PKHD1: variants seen among roughly 807,000 people sequenced by gnomAD.
PKHD1 encodes PKHD1 ciliary IPT domain containing fibrocystin/polyductin.
PKHD1 carries 291 observed loss-of-function variants against 412.0 expected under a neutral mutation model. The ratio of observed to expected loss-of-function variants is 0.71; its 90% CI spans 0.64 to 0.78. The LOEUF (loss-of-function observed/expected upper bound fraction) is 0.78, where lower values mean the gene tolerates loss of function less well. Among genes scored for constraint, PKHD1 ranks in the 30% least tolerant of loss-of-function variants. The pLI is 0.00. For synonymous variants in PKHD1, 1,777 were observed against 1,821.5 expected (o/e 0.98, Z 0.62); for missense variants, 4,825 against 4,950.7 (o/e 0.97, Z 0.76).
chr6:51,644,986 G>C (rs558590053), intron 63 of PKHD1, among the ~76,000 whole-genome samples: 6 of 152,020 alleles, frequency 3.9e-5, no homozygotes, highest in African/African-American at 1.4e-4. Flanking sequence ...CCAATAAACC[G>C]AATTTTTAAA....
Position 52,022,890 on chromosome 6 carries a change from T to A in PKHD1, c.5291A>T (p.Asn1764Ile). ...AGCACCACACACAGCAGCTGAGACA[T>A]TCCCTGGAGAAAATCCCGCTCCAAA... Reference protein sequence around the residue: ...HVFGAGFSPGNVSAAVCGAPC... With the variant: ...HVFGAGFSPGIVSAAVCGAPC... The change falls in exon 33 of 67, where the codon AAT becomes ATT. Residue 1764 changes from asparagine (N) to isoleucine (I), a missense_variant. Asn to Ile is a moderately radical substitution (Grantham distance 149). Transcript: ENST00000371117. 1 of 1,613,940 alleles carries A rather than the reference T, an allele frequency of 6.2e-7. No individual in the cohort carries two copies. Among genetic ancestry groups the A allele is most frequent in the South Asian group, 1.1e-5 (1 of 91,076 alleles).
chr6:52,078,437 T>C (rs1307725611), intron 5 of PKHD1, among the ~76,000 whole-genome samples: 2 of 152,142 alleles, frequency 1.3e-5, no homozygotes, highest in Non-Finnish European at 2.9e-5. Flanking sequence ...CAACCTTCTG[T>C]GAGTTATTCA....
chr6:52,081,707 G>T (rs1256058730), intron 4 of PKHD1, among the ~76,000 whole-genome samples: 1 of 152,202 alleles, frequency 6.6e-6, no homozygotes, highest in Non-Finnish European at 1.5e-5. Context: ...CAGGGAAAAG[G>T]TGGCATTTGT....
chr6:52,055,856 C>A, intron 18 of PKHD1, 127 bp from the exon 19 acceptor site: 2 of 917,924 alleles, frequency 2.2e-6, no homozygotes, highest in Non-Finnish European at 3.3e-6. Flanking sequence ...ACCCAATTAC[C>A]CATGCAACCT....
intron 52 of PKHD1, among the ~76,000 whole-genome samples, chr6:51,828,807 T>C (rs1460557733): frequency 2.0e-5 from 3 of 151,834 alleles, no homozygotes; most frequent in Non-Finnish European, 2.9e-5. Flanking sequence ...CAGAGACCCA[T>C]CAGAGGTCAA....
intron 49 of PKHD1, among the ~76,000 whole-genome samples, chr6:51,849,946 T>C (rs1485628636): frequency 1.3e-5 from 2 of 152,228 alleles, no homozygotes; most frequent in African/African-American, 2.4e-5. Context: ...GCTTTTGGCA[T>C]TTTCGTCATG....
intron 53 of PKHD1, among the ~76,000 whole-genome samples, chr6:51,784,037 A>G (rs970423602): frequency 6.6e-6 from 1 of 152,212 alleles, no homozygotes; most frequent in Non-Finnish European, 1.5e-5. Flanking sequence ...TCATAACAGC[A>G]TATTATCAGA....
chr6:51,746,673 G>C, intron 59 of PKHD1, 48 bp downstream of exon 59: 1 of 1,186,984 alleles, frequency 8.4e-7, no homozygotes, highest in Non-Finnish European at 1.3e-6. Context: ...TTGAAGAATT[G>C]CCAAGTACTT....
rs955668422 is a variant in PKHD1 at position 51,615,659 on chromosome 6, C to T, written c.*3422G>A. ...TTGCATATGATTTACATTTGATTTC[C>T]TCATACTCATTTTTGCATATAGTTT... On this transcript the variant is annotated 3_prime_UTR_variant, in exon 67 of 67. Transcript: ENST00000371117. 3 of 152,092 alleles carry T rather than the reference C, an allele frequency of 2.0e-5. No homozygotes were observed. Among genetic ancestry groups the T allele is most frequent in the African/African-American group, 7.2e-5 (3 of 41,420 alleles). 9.4% of individuals were successfully genotyped at this position (152,092 alleles called of 1,614,324 possible).
intron 45 of PKHD1, among the ~76,000 whole-genome samples, chr6:51,883,877 T>C (rs182970642): frequency 6.6e-6 from 1 of 152,314 alleles, no homozygotes; most frequent in East Asian, 1.9e-4. Context: ...CAAAAAAAAC[T>C]TGGGGCTGTG....
chr6:52,064,091 T>C (rs1340808739), intron 13 of PKHD1, among the ~76,000 whole-genome samples: 2 of 152,246 alleles, frequency 1.3e-5, no homozygotes, highest in Non-Finnish European at 2.9e-5. Flanking sequence ...GCCAAAACTT[T>C]GCATGCATTT....
At position 51,618,918 on chromosome 6, in the gene PKHD1, C is replaced by G. The variant is rs1046581470; in HGVS notation, c.*163G>C. ...TATGAGACATTTTTCAGTCTGTAAG[C>G]ATTTATATGACTGTTTTCCATTTTA... On this transcript the variant is annotated 3_prime_UTR_variant, in exon 67 of 67. Transcript: ENST00000371117. 34 of 702,972 alleles carry G rather than the reference C, an allele frequency of 4.8e-5. No homozygotes were observed. The highest frequency in any genetic ancestry group is 7.0e-5 in the Non-Finnish European group (28 of 401,178). The allele number at this position is 702,972 out of a possible 1,614,324, so 43.5% of individuals were successfully genotyped here.
At chr6:51,724,087 A>G (rs1337291789) in intron 60 of PKHD1, among the ~76,000 whole-genome samples, 1 of 152,154 alleles carries the variant, frequency 6.6e-6, no homozygotes, top group Non-Finnish European at 1.5e-5. Flanking sequence ...CAGAGAAGAG[A>G]CTAAAAATTG....
At chr6:51,766,418 C>T (rs1041929591) in intron 55 of PKHD1, among the ~76,000 whole-genome samples, 1 of 152,052 alleles carries the variant, frequency 6.6e-6, no homozygotes, top group Non-Finnish European at 1.5e-5. Flanking sequence ...TGAGCCTCTG[C>T]TCTATTTTGT....
At position 51,896,637 on chromosome 6, in the gene PKHD1, A is replaced by C. The variant is rs1244863675; in HGVS notation, c.6996+6960T>G. The stretch of plus-strand genomic sequence containing the variant: ...CTCCTCCAAAGGAACGCAGTTCCTC[A>C]CCAGCAACGGAACAAAGCTGGACGG... On this transcript the variant is annotated intron_variant, in intron 43 of 66. Coordinates refer to ENST00000371117, the MANE Select transcript of PKHD1 (RefSeq NM_138694.4). Among the ~76,000 whole-genome samples the C allele has an allele frequency of 2.1e-3, 326 of 152,240 alleles. 3 individuals carry two copies. The highest frequency in any genetic ancestry group is 6.9e-3 in the African/African-American group (288 of 41,476).
At chr6:51,690,964 GA>G (rs780784117) in intron 60 of PKHD1, among the ~76,000 whole-genome samples, 12 of 150,566 alleles carry the variant, frequency 8.0e-5, no homozygotes, top group South Asian at 2.1e-4. Flanking sequence ...ACATTTACAA[GA>G]AAAAAAATCC....
intron 37 of PKHD1, among the ~76,000 whole-genome samples, chr6:51,928,834 C>T (rs1786116286): frequency 6.6e-6 from 1 of 152,010 alleles, no homozygotes; most frequent in Non-Finnish European, 1.5e-5. Context: ...ACATTCGGAC[C>T]CTTGAAGACA....
In PKHD1 at chr6:51,750,912, G is replaced by A. The variant is rs11759922; in HGVS notation, c.8951-2247C>T. The stretch of plus-strand genomic sequence containing the variant: ...CCACCTCAGCCTCCCAAGTAGCTGG[G>A]ACTACAGGTGCATGCCACCATGCTT... On this transcript the variant is annotated intron_variant, in intron 57 of 66. Coordinates refer to ENST00000371117, the MANE Select transcript of PKHD1 (RefSeq NM_138694.4). Among the ~76,000 whole-genome samples, 4 of 152,138 alleles carry A rather than the reference G, an allele frequency of 2.6e-5. No individual in the cohort carries two copies. In the East Asian group the frequency reaches 7.8e-4, roughly 30 times the overall value.
chr6:51,889,172 G>A (rs1017248209), intron 43 of PKHD1, among the ~76,000 whole-genome samples: 8 of 152,066 alleles, frequency 5.3e-5, no homozygotes, highest in African/African-American at 1.9e-4. Context: ...AATGTCTGGA[G>A]TATCCTCCTT....
Sources: gnomAD v4.1 joint callset for allele counts (sites outside exome capture counted in the v4.1 genomes callset) on GRCh38, gnomAD v4.1.1 for gene constraint, MANE v1.5 for transcripts, NCBI Gene and HGNC (gene_info 2026-07-23, HGNC 2026-07-21) for gene names.